The following PRR16 variants were observed in gnomAD, a reference collection of about 807,000 sequenced individuals.
The protein encoded by PRR16 is protein Largen.
In PRR16, 6 loss-of-function variants were observed where a neutral mutation model predicts 18.2. The observed-to-expected ratio is 0.33, with a 90% CI of 0.18 to 0.65. PRR16 has a LOEUF of 0.65. Among genes scored for constraint, PRR16 ranks in the 30% least tolerant of loss-of-function variants. The pLI, the probability that PRR16 is intolerant of heterozygous loss-of-function variation, is 0.74. For synonymous variants in PRR16, 151 were observed against 147.8 expected (o/e 1.02, Z -0.16); for missense variants, 412 against 376.6 (o/e 1.09, Z -0.78).
chr5:120,757,367 T>G, the PRR16 span, among the ~76,000 whole-genome samples: 1 of 152,036 alleles, frequency 6.6e-6, no homozygotes, highest in African/African-American at 2.4e-5. Flanking sequence ...ACATTGGTAG[T>G]TTGACAGTAA....
At chr5:120,707,862 G>C in the PRR16 span, among the ~76,000 whole-genome samples, 1 of 152,178 alleles carries the variant, frequency 6.6e-6, no homozygotes, top group South Asian at 2.1e-4. Context: ...CAATTCTCTT[G>C]CATATGGGAA....
At chr5:120,625,701 A>T (rs1285262141) in intron 1 of PRR16, among the ~76,000 whole-genome samples, 1 of 151,926 alleles carries the variant, frequency 6.6e-6, no homozygotes, top group Non-Finnish European at 1.5e-5. Context: ...GTAGTATACC[A>T]TGTTAATCAA....
the PRR16 span, among the ~76,000 whole-genome samples, chr5:120,763,040 GTGTC>G: frequency 6.6e-6 from 1 of 152,042 alleles, no homozygotes; most frequent in South Asian, 2.1e-4. Flanking sequence ...TCCCCAATAT[GTGTC>G]TGTGGCATAC....
intron 1 of PRR16, among the ~76,000 whole-genome samples, chr5:120,490,926 C>A (rs1040550440): frequency 1.3e-5 from 2 of 152,234 alleles, no homozygotes; most frequent in African/African-American, 2.4e-5. Context: ...CACTCCAGAC[C>A]CTGTTTGCCT....
intron 1 of PRR16, among the ~76,000 whole-genome samples, chr5:120,518,110 CTCTTTT>C (rs1336791620): frequency 2.6e-5 from 4 of 152,096 alleles, no homozygotes; most frequent in Admixed American, 2.6e-4. Context: ...GTGACTTACC[CTCTTTT>C]TACGTCAATC....
intron 1 of PRR16, among the ~76,000 whole-genome samples, chr5:120,464,959 C>A (rs887719318): frequency 6.6e-6 from 1 of 151,910 alleles, no homozygotes; most frequent in African/African-American, 2.4e-5. Flanking sequence ...GGGGGTGTGT[C>A]GGCAGAGGAA....
chr5:120,754,305 AT>A, the PRR16 span, among the ~76,000 whole-genome samples: 11 of 52,646 alleles, frequency 2.1e-4, no homozygotes, highest in South Asian at 6.4e-4. Context: ...ATAATATATA[AT>A]ATATAACATA....
At chr5:120,740,403 TATAA>T in the PRR16 span, among the ~76,000 whole-genome samples, 1 of 152,226 alleles carries the variant, frequency 6.6e-6, no homozygotes, top group Non-Finnish European at 1.5e-5. Context: ...ATGTGAAACT[TATAA>T]ATAAATTCAC....
At chr5:120,654,743 G>C (rs1755908062) in intron 1 of PRR16, among the ~76,000 whole-genome samples, 1 of 151,832 alleles carries the variant, frequency 6.6e-6, no homozygotes, top group South Asian at 2.1e-4. Context: ...ATAAGAAAGG[G>C]TCCTCATATG....
chr5:120,570,115 A>G (rs1752859543), intron 1 of PRR16, among the ~76,000 whole-genome samples: 3 of 152,120 alleles, frequency 2.0e-5, no homozygotes, highest in African/African-American at 2.4e-5. Flanking sequence ...TCACTACCAA[A>G]TGAAGAGATG....
chr5:120,514,414 A>G (rs1189357109), intron 1 of PRR16, among the ~76,000 whole-genome samples: 1 of 152,190 alleles, frequency 6.6e-6, no homozygotes. Flanking sequence ...TATTTTTTAC[A>G]TAGCCTGGCT....
At chr5:120,464,695 G>A (rs1349439463) in intron 1 of PRR16, 50 bp downstream of exon 1, 3 of 1,460,366 alleles carry the variant, frequency 2.1e-6, no homozygotes, top group Non-Finnish European at 2.7e-6. Context: ...CGACCCCTCC[G>A]GGGTCCCCTT....
chr5:120,600,328 T>C (rs1753942506), intron 1 of PRR16, among the ~76,000 whole-genome samples: 2 of 151,920 alleles, frequency 1.3e-5, no homozygotes, highest in Admixed American at 6.6e-5. Flanking sequence ...TTTAAACTGA[T>C]ACAATATGTA....
At chr5:120,620,736 T>C (rs1156710708) in intron 1 of PRR16, among the ~76,000 whole-genome samples, 1 of 152,046 alleles carries the variant, frequency 6.6e-6, no homozygotes, top group Non-Finnish European at 1.5e-5. Flanking sequence ...GAGCAAGCCT[T>C]GTCTCTCCCT....
intron 1 of PRR16, among the ~76,000 whole-genome samples, chr5:120,580,984 T>A (rs1428093611): frequency 6.6e-6 from 1 of 152,162 alleles, no homozygotes; most frequent in Non-Finnish European, 1.5e-5. Context: ...CCTGAAGTAT[T>A]TTGTGTGTGT....
chr5:120,702,493 C>T, the PRR16 span, among the ~76,000 whole-genome samples: 1 of 152,128 alleles, frequency 6.6e-6, no homozygotes, highest in Non-Finnish European at 1.5e-5. Context: ...GGTACTTGCC[C>T]CTTCCCCAGA....
chr5:120,755,889 C>T, the PRR16 span, among the ~76,000 whole-genome samples: 4 of 152,076 alleles, frequency 2.6e-5, no homozygotes, highest in Non-Finnish European at 4.4e-5. Flanking sequence ...GAAAAGTGTA[C>T]TCCAGAGTGG....
intron 1 of PRR16, among the ~76,000 whole-genome samples, chr5:120,551,818 T>C (rs1336525825): frequency 6.6e-6 from 1 of 151,958 alleles, no homozygotes; most frequent in Non-Finnish European, 1.5e-5. Flanking sequence ...TACTAGTAGG[T>C]TCTCTGACTT....
At chr5:120,691,191 C>T (rs1868458), downstream of PRR16, among the ~76,000 whole-genome samples, 146,944 of 152,282 alleles carry the variant, frequency 0.96, 71,062 homozygotes, top group East Asian at 1. Flanking sequence ...GCTGCCAGCA[C>T]GACTCAGCAT....
Sources: allele counts gnomAD v4.1 joint callset (sites outside exome capture counted in the v4.1 genomes callset), GRCh38; gene constraint gnomAD v4.1.1; transcripts MANE v1.5; gene names NCBI Gene and HGNC (gene_info 2026-07-23, HGNC 2026-07-21).